The following C3orf22 variants were observed in gnomAD, a reference collection of about 807,000 sequenced individuals.
C3orf22 encodes chromosome 3 open reading frame 22, also known as uncharacterized protein C3orf22.
C3orf22 carries 7 observed loss-of-function variants against 10.8 expected under a neutral mutation model. The ratio of observed to expected loss-of-function variants is 0.65; its 90% CI spans 0.37 to 1.22. The LOEUF (loss-of-function observed/expected upper bound fraction) is 1.22, where lower values mean the gene tolerates loss of function less well. Ranked by LOEUF, C3orf22 falls within the 50% of genes most tolerant of loss-of-function variation. The probability of loss-of-function intolerance (pLI) is 0.02; values close to 1 mark genes in which losing one functional copy is unlikely to be tolerated. For synonymous variants in C3orf22, 79 were observed against 78.9 expected (o/e 1.00, Z 0.00); for missense variants, 173 against 177.0 (o/e 0.98, Z 0.13).
chr3:126,548,572 T>C (rs982479277), downstream of C3orf22, among the ~76,000 whole-genome samples: 1 of 152,290 alleles, frequency 6.6e-6, no homozygotes, highest in African/African-American at 2.4e-5. Flanking sequence ...ACCCCAGGGA[T>C]CTTTGCTTCC....
chr3:126,552,053 C>G lies in C3orf22; in HGVS notation c.159G>C (p.Thr53=), dbSNP rs1267424764. 2 of 1,613,666 alleles carry G rather than the reference C, an allele frequency of 1.2e-6. No homozygotes were observed. Among genetic ancestry groups the G allele is most frequent in the Non-Finnish European group, 8.5e-7 (1 of 1,179,810 alleles). Residue 53 remains threonine, a synonymous_variant, in exon 3 of 4, where the codon ACG becomes ACC. Transcript: ENST00000318225. ...QPWEVTNDSN[T]VQLPLQKRLV... ...ACCTCTTCTGCAGGGGCAGCTGCACCGTGTTCGAGTCGTTTGTGACCTCCC... is the reference window on the plus strand; with the variant it reads ...ACCTCTTCTGCAGGGGCAGCTGCACGGTGTTCGAGTCGTTTGTGACCTCCC...
exon 6 of C3orf22, chr3:126,527,792 G>A (rs3845960): frequency 0.45 from 67,773 of 151,972 alleles, 15,496 homozygotes; most frequent in African/African-American, 0.55. Flanking sequence ...GGAGTGTCCC[G>A]AGTTCAGAGG....
intron 4 of C3orf22, among the ~76,000 whole-genome samples, chr3:126,529,841 C>G (rs541028776): frequency 6.6e-6 from 1 of 152,218 alleles, no homozygotes; most frequent in East Asian, 1.9e-4. Flanking sequence ...GCAGTCACCG[C>G]GTGGCTTTCC....
rs75727605 is a variant in C3orf22, at chr3:126,536,863, GCTCTCT to G, written c.287-7497_287-7492del. Among the ~76,000 whole-genome samples the G allele has an allele frequency of 1.6e-3, 222 of 141,620 alleles. 2 individuals are homozygous for G. The highest frequency in any genetic ancestry group is 0.01 in the East Asian group (51 of 4,876). The allele number at this position is 141,620 out of a possible 152,430, so 92.9% of individuals were successfully genotyped here. A position where few individuals can be genotyped will look rare whatever the true frequency, so the allele number is the denominator to read the frequency against. On this transcript the variant is annotated intron_variant and NMD_transcript_variant, in intron 4 of 5. Transcript: ENST00000505070. ...CCACCACCAAGAACCCCACACTCTG[GCTCTCT>G]CTCTCTCTTTCTCACACACACACAC...
chr3:126,556,644 C>CCACA lies in C3orf22; in HGVS notation c.-41+1979_-41+1982dup, dbSNP rs35184055. On this transcript the variant is annotated intron_variant, in intron 1 of 3. Coordinates refer to ENST00000318225, the MANE Select transcript of C3orf22 (RefSeq NM_152533.3). ...CACCTCGCCTCACTGACTGCCGTTCCCACACACACACACACACACACTCAC... is the reference window on the plus strand; with the variant it reads ...CACCTCGCCTCACTGACTGCCGTTCCCACACACACACACACACACACACACTCAC... 1.6e-3 allele frequency among the ~76,000 whole-genome samples: 240 copies of CCACA among 150,146 alleles called. 1 individual carries two copies. Among genetic ancestry groups the CCACA allele is most frequent in the African/African-American group, 5.2e-3 (211 of 40,818 alleles).
intron 4 of C3orf22, among the ~76,000 whole-genome samples, chr3:126,530,638 T>A (rs1361828936): frequency 6.6e-6 from 1 of 152,218 alleles, no homozygotes; most frequent in Non-Finnish European, 1.5e-5. Context: ...GAGCTCCCCA[T>A]GGTTGCTGCT....
At chr3:126,539,743 C>A (rs1414969368) in intron 4 of C3orf22, among the ~76,000 whole-genome samples, 1 of 88,146 alleles carries the variant, frequency 1.1e-5, no homozygotes, top group African/African-American at 5.0e-5. Context: ...CACACACACC[C>A]CACACCACAC....
chr3:126,531,110 C>T (rs1183955813), intron 4 of C3orf22, among the ~76,000 whole-genome samples: 1 of 152,270 alleles, frequency 6.6e-6, no homozygotes, highest in Non-Finnish European at 1.5e-5. Flanking sequence ...GCCTGCCAGG[C>T]ACTGCGCTGG....
In C3orf22 at chr3:126,549,940, C is replaced by T. The variant is rs772775497; in HGVS notation, c.354G>A (p.Leu118=). 56 of 1,614,004 alleles carry T rather than the reference C, an allele frequency of 3.5e-5. No homozygotes were observed. The South Asian group carries it at 5.8e-4, about 17-fold the overall frequency. Residue 118 remains leucine, a synonymous_variant, in exon 4 of 4, where the codon CTG becomes CTA. Coordinates refer to ENST00000318225, the MANE Select transcript of C3orf22 (RefSeq NM_152533.3). ...AGGCAGCCTCAGTGTGCCGGGTGGA[C>T]AGCAGGAAGGCGAGTTGTCTGGGGA... ...RRFPRQLAFL[L]STRHTEAACP...
intron 4 of C3orf22, chr3:126,542,110 C>A: frequency 6.3e-7 from 1 of 1,580,186 alleles, no homozygotes; most frequent in Non-Finnish European, 8.6e-7. Context: ...CTTACCGCAA[C>A]AAGCTCGCGC....
At chr3:126,536,203 G>C (rs1211829112) in intron 4 of C3orf22, 1 of 1,393,314 alleles carries the variant, frequency 7.2e-7, no homozygotes, top group Non-Finnish European at 1.0e-6. Context: ...TAGATGGGTT[G>C]GCCAAACCCC....
intron 4 of C3orf22, among the ~76,000 whole-genome samples, chr3:126,530,678 C>A (rs551992672): frequency 6.6e-6 from 1 of 152,256 alleles, no homozygotes; most frequent in Non-Finnish European, 1.5e-5. Flanking sequence ...CCTGGGTCTC[C>A]CTGCACCAGC....
At chr3:126,531,209 C>A (rs1028905774) in intron 4 of C3orf22, among the ~76,000 whole-genome samples, 3 of 152,240 alleles carry the variant, frequency 2.0e-5, no homozygotes, top group African/African-American at 7.2e-5. Context: ...CCCCACCCCC[C>A]AACCTACTGG....
intron 4 of C3orf22, chr3:126,542,342 G>C (rs1377178594): frequency 2.4e-5 from 37 of 1,566,038 alleles, no homozygotes; most frequent in Non-Finnish European, 3.1e-5. Context: ...CTACGACGTC[G>C]TGGGCAAGTT....
rs116303419 is a variant in C3orf22 at position 126,532,664 on chromosome 3, T to C, written c.287-3292A>G. 9.6e-3 allele frequency among the ~76,000 whole-genome samples: 1,463 copies of C among 152,364 alleles called. 25 individuals carry two copies. The highest frequency in any genetic ancestry group is 0.033 in the African/African-American group (1,370 of 41,580). ...AGCCAGCACCACACAGTCTTGATTA[T>C]TGTGGCTGTATAGTAAAGTTGTGGT... On this transcript the variant is annotated intron_variant and NMD_transcript_variant, in intron 4 of 5. Transcript: ENST00000505070.
At chr3:126,550,994 G>C (rs1937168574) in intron 3 of C3orf22, among the ~76,000 whole-genome samples, 1 of 152,264 alleles carries the variant, frequency 6.6e-6, no homozygotes, top group Non-Finnish European at 1.5e-5. Flanking sequence ...CATTGCTTCA[G>C]CTCGGCGATG....
downstream of C3orf22, chr3:126,549,668 C>G (rs2107578856): frequency 6.6e-7 from 1 of 1,523,248 alleles, no homozygotes; most frequent in Non-Finnish European, 8.8e-7. Context: ...CTCAGGGAGG[C>G]AAAGTGATCA....
intron 4 of C3orf22, chr3:126,542,135 G>C: frequency 6.4e-7 from 1 of 1,564,940 alleles, no homozygotes; most frequent in Non-Finnish European, 8.6e-7. Context: ...CTACAGCGCC[G>C]CCTTCCAGAG....
chr3:126,553,271 G>C, intron 2 of C3orf22, 31 bp downstream of exon 2: 1 of 1,482,564 alleles, frequency 6.7e-7, no homozygotes. Flanking sequence ...GGGAGGCAGG[G>C]CTTGTCTCCA....
Sources: gnomAD v4.1 joint callset for allele counts (sites outside exome capture counted in the v4.1 genomes callset) on GRCh38, gnomAD v4.1.1 for gene constraint, MANE v1.5 for transcripts, NCBI Gene and HGNC (gene_info 2026-07-23, HGNC 2026-07-21) for gene names.